The following SPTBN2 variants were observed in gnomAD, a reference collection of about 807,000 sequenced individuals.
SPTBN2 encodes spectrin beta, non-erythrocytic 2, also known as spectrin beta chain, non-erythrocytic 2.
In SPTBN2, 107 loss-of-function variants were observed where a neutral mutation model predicts 284.2. The observed-to-expected ratio is 0.38, with a 90% CI of 0.32 to 0.44. SPTBN2 has a LOEUF of 0.44. Ranked by LOEUF, SPTBN2 falls within the 20% of genes least tolerant of loss-of-function variation. SPTBN2 has a pLI of 1.00. For synonymous variants in SPTBN2, 1,289 were observed against 1,354.8 expected, an observed-to-expected ratio of 0.95 and a Z score of 1.07; for missense variants, 2,569 against 3,287.1, an observed-to-expected ratio of 0.78 and a Z score of 5.34.
intron 31 of SPTBN2, 82 bp downstream of exon 31, chr11:66,688,571 A>C: frequency 6.4e-7 from 1 of 1,568,716 alleles, no homozygotes; most frequent in Non-Finnish European, 8.7e-7. Flanking sequence ...GGGAAGAGAG[A>C]AGACATGTCT....
rs751425400 is a variant in SPTBN2 at position 66,688,611 on chromosome 11, G to A, written c.6231+42C>T. On this transcript the variant is annotated intron_variant, in intron 31 of 37. Coordinates refer to ENST00000533211, the MANE Select transcript of SPTBN2 (RefSeq NM_006946.4). ...CAAGCAGAAGCCAGCACAGGTCAGG[G>A]GAGCAGGTTGGAGTGGGCATCCGGG... 6 of 1,611,082 alleles carry A rather than the reference G, an allele frequency of 3.7e-6. No homozygotes were observed. In the African/African-American group the frequency reaches 6.7e-5, roughly 18 times the overall value.
At chr11:66,736,815 T>A (rs1412456900) in intron 1 of SPTBN2, among the ~76,000 whole-genome samples, 1 of 152,198 alleles carries the variant, frequency 6.6e-6, no homozygotes, top group African/African-American at 2.4e-5. Context: ...ACATTTGAGG[T>A]CAGTTTTCTG....
Position 66,721,343 on chromosome 11 carries a change from G to T in SPTBN2, c.-23+7C>A. On this transcript the variant is annotated splice_region_variant and intron_variant, in intron 2 of 37. Transcript: ENST00000533211. Reference sequence around the variant, plus strand: ...CACCACCGGGGCCTTCTGTCTTCTTGCCCTACCTGTGCTCCGCTCTCCTTG... The same window carrying T: ...CACCACCGGGGCCTTCTGTCTTCTTTCCCTACCTGTGCTCCGCTCTCCTTG... 1 of 1,469,210 alleles carries T rather than the reference G, an allele frequency of 6.8e-7. No homozygotes were observed. Among genetic ancestry groups the T allele is most frequent in the Non-Finnish European group, 9.5e-7 (1 of 1,054,072 alleles). 91.0% of individuals were successfully genotyped at this position (1,469,210 alleles called of 1,614,324 possible).
chr11:66,683,649 T>C lies in SPTBN2; in HGVS notation c.*2222A>G, dbSNP rs543507548. Among the ~76,000 whole-genome samples the C allele has an allele frequency of 1.3e-4, 20 of 152,388 alleles. No homozygotes were observed. The highest frequency in any genetic ancestry group is 3.8e-4 in the African/African-American group (16 of 41,602). On this transcript the variant is annotated 3_prime_UTR_variant, in exon 38 of 38. Coordinates refer to ENST00000533211, the MANE Select transcript of SPTBN2 (RefSeq NM_006946.4). ...CGGGGTCTTCAGTCTCACCTCTCCGTTGACAATGCCTGCCCCTACTGCAGG... is the reference window on the plus strand; with the variant it reads ...CGGGGTCTTCAGTCTCACCTCTCCGCTGACAATGCCTGCCCCTACTGCAGG...
Position 66,687,319 on chromosome 11 carries a change from A to C in SPTBN2, c.6722+108T>G. 1 of 1,555,058 alleles carries C rather than the reference A, an allele frequency of 6.4e-7. No individual in the cohort carries two copies. ...CCCCTGAGGCCCCGCTCTGGTCCCA[A>C]GTCCTACCCTTTGCCCAGAAGATGT... is the stretch of plus-strand genomic sequence containing the variant. On this transcript the variant is annotated intron_variant, in intron 35 of 37. Coordinates refer to ENST00000533211, the MANE Select transcript of SPTBN2 (RefSeq NM_006946.4). The surrounding 1 kb of genome is among the most constrained non-coding windows in gnomAD (Gnocchi z 5.2).
At chr11:66,717,973 G>A (rs771139537) in intron 3 of SPTBN2, among the ~76,000 whole-genome samples, 4 of 152,070 alleles carry the variant, frequency 2.6e-5, no homozygotes, top group Admixed American at 6.5e-5. Context: ...CACTGCCCCC[G>A]TGTACACATT....
rs754538137 is a variant in SPTBN2 at position 66,688,752 on chromosome 11, C to G, written c.6132G>C (p.Thr2044=). 1 of 1,613,558 alleles carries G rather than the reference C, an allele frequency of 6.2e-7. No homozygotes were observed. The highest frequency in any genetic ancestry group is 8.5e-7 in the Non-Finnish European group (1 of 1,180,040). ...PLVRSAELGC[T]VDEVESLIKR... is the part of the protein sequence containing the mutation. ...TGATGAGGCTCTCAACTTCGTCGACCGTGCAACCCAGCTCAGCGCTGCGCA... is the reference window on the plus strand; with the variant it reads ...TGATGAGGCTCTCAACTTCGTCGACGGTGCAACCCAGCTCAGCGCTGCGCA... Residue 2044 remains threonine (T), a synonymous_variant, in exon 31 of 38, where the codon ACG becomes ACC. Transcript: ENST00000533211.
chr11:66,704,609 G>A lies in SPTBN2; in HGVS notation c.2667C>T (p.Val889=), dbSNP rs769838871. The A allele has an allele frequency of 1.8e-5, 29 of 1,573,602 alleles. No individual in the cohort carries two copies. Among genetic ancestry groups the A allele is most frequent in the African/African-American group, 2.7e-5 (2 of 72,796 alleles). ...CCTGAGGGGCCTACCTCTGCTGCAC[G>A]ACCTCCAGGTCCTCCAGGCGTTCAG... ...ALPERLEDLE[V]VQQRFETLEP... is the part of the protein sequence containing the mutation. The change falls in exon 15 of 38, where the codon GTC becomes GTT. Residue 889 remains valine (V), a synonymous_variant. Coordinates refer to ENST00000533211, the MANE Select transcript of SPTBN2 (RefSeq NM_006946.4).
upstream of SPTBN2, among the ~76,000 whole-genome samples, chr11:66,731,927 A>G (rs1942816650): frequency 6.6e-6 from 1 of 152,182 alleles, no homozygotes; most frequent in Non-Finnish European, 1.5e-5. Context: ...AAAATAACCC[A>G]TCAGATATAT....
rs1940559681 is a variant in SPTBN2 at position 66,691,671 on chromosome 11, G to A, written c.5191-13C>T. On this transcript the variant is annotated splice_polypyrimidine_tract_variant and intron_variant, in intron 26 of 37. Coordinates refer to ENST00000533211, the MANE Select transcript of SPTBN2 (RefSeq NM_006946.4). This position sits in a 1 kb window ranked among gnomAD's most constrained non-coding sequence, Gnocchi z 8.0. ...TGTCTCGGAGCATCTGGTAGAGGAA[G>A]CAGATGGACAGACCATGCCGTGATG... 1.2e-6 allele frequency: 2 copies of A among 1,613,278 alleles called. No individual in the cohort carries two copies. Among genetic ancestry groups the A allele is most frequent in the Non-Finnish European group, 1.7e-6 (2 of 1,180,048 alleles).
intron 1 of SPTBN2, among the ~76,000 whole-genome samples, chr11:66,740,516 T>G (rs1299430255): frequency 3.9e-5 from 6 of 152,196 alleles, no homozygotes; most frequent in Non-Finnish European, 7.4e-5. Flanking sequence ...CCCCAGATTC[T>G]GTGCTCCAGG....
In SPTBN2 at chr11:66,701,119, C is replaced by A. The variant is rs1379567333; in HGVS notation, c.2980G>T (p.Val994Leu). Residue 994 changes from valine (V) to leucine (L), a missense_variant, in exon 17 of 38, where the codon GTG (valine) becomes TTG (leucine). This residue lies in a region of SPTBN2 where 1,012 missense variants were observed against 1,248.9 expected (regional missense o/e 0.81). Coordinates refer to ENST00000533211, the MANE Select transcript of SPTBN2 (RefSeq NM_006946.4). ...GCCAGCTTGCGCTGCAGGGCCAGCA[C>A]CCCAGCCAGATCGTTGCCTAGGCCC... ...TQGLGNDLAG[V>L]LALQRKLAGT... The A allele has an allele frequency of 4.3e-6, 7 of 1,613,104 alleles. No individual in the cohort carries two copies. The highest frequency in any genetic ancestry group is 1.1e-5 in the South Asian group (1 of 91,086).
intron 1 of SPTBN2, among the ~76,000 whole-genome samples, chr11:66,740,626 A>G (rs1471387612): frequency 2.0e-5 from 3 of 152,150 alleles, no homozygotes; most frequent in African/African-American, 7.2e-5. Flanking sequence ...GACCTGCTCC[A>G]TTTCAGGAAA....
chr11:66,682,745 A>G lies in SPTBN2; in HGVS notation c.*3126T>C, dbSNP rs985349843. ...TGTAGGTGATGTTAAGAATGCAAATATATTTTTCTCTACATAATCCTATTT... is the reference window on the plus strand; with the variant it reads ...TGTAGGTGATGTTAAGAATGCAAATGTATTTTTCTCTACATAATCCTATTT... On this transcript the variant is annotated 3_prime_UTR_variant, in exon 38 of 38. Transcript: ENST00000533211. Among the ~76,000 whole-genome samples the G allele has an allele frequency of 4.0e-5, 6 of 151,830 alleles. No homozygotes were observed. Among genetic ancestry groups the G allele is most frequent in the Non-Finnish European group, 7.4e-5 (5 of 67,988 alleles).
intron 31 of SPTBN2, 106 bp downstream of exon 31, chr11:66,688,542 TGGGGG>T: frequency 6.7e-7 from 1 of 1,488,152 alleles, no homozygotes; most frequent in Non-Finnish European, 9.1e-7. Context: ...AGCTCACATC[TGGGGG>T]CCACTGGTGC....
In SPTBN2 at chr11:66,693,492, C is replaced by G; in HGVS notation, c.4594-46G>C. The G allele has an allele frequency of 6.4e-7, 1 of 1,571,524 alleles. No homozygotes were observed. The highest frequency in any genetic ancestry group is 1.3e-5 in the African/African-American group (1 of 74,230). Reference sequence around the variant, plus strand: ...GAAAATGCTGAAAGTCCTGCCCCAGCCCCACGTGCTCCCGGAGACCACCCT... The same window carrying G: ...GAAAATGCTGAAAGTCCTGCCCCAGGCCCACGTGCTCCCGGAGACCACCCT... On this transcript the variant is annotated intron_variant, in intron 23 of 37. Transcript: ENST00000533211. The surrounding 1 kb of genome is among the most constrained non-coding windows in gnomAD (Gnocchi z 5.7).
At position 66,704,822 on chromosome 11, in the gene SPTBN2, G is replaced by A; in HGVS notation, c.2454C>T (p.Ser818=). Residue 818 remains serine (S), a synonymous_variant, in exon 15 of 38, where the codon AGC becomes AGT. Coordinates refer to ENST00000533211, the MANE Select transcript of SPTBN2 (RefSeq NM_006946.4). The part of the protein sequence containing the change: ...EQAAALPPTL[S]RTPEVQSRVP... The stretch of plus-strand genomic sequence containing the variant: ...CCCGGCTCTGCACCTCGGGCGTGCG[G>A]CTCAGTGTGGGGGGCAGGGCTGCTG... 1.2e-6 allele frequency: 2 copies of A among 1,606,758 alleles called. No individual in the cohort carries two copies.
Position 66,708,541 on chromosome 11 carries a change from G to A in SPTBN2, c.1192-242C>T, listed in dbSNP as rs1941689713. ...GGAAACCATCTGATTCCTTTGTGTTGGCAGGACTGTGTGCGAACCTTATTT... is the reference window on the plus strand; with the variant it reads ...GGAAACCATCTGATTCCTTTGTGTTAGCAGGACTGTGTGCGAACCTTATTT... On this transcript the variant is annotated intron_variant, in intron 11 of 37. Coordinates refer to ENST00000533211, the MANE Select transcript of SPTBN2 (RefSeq NM_006946.4). This position sits in a 1 kb window ranked among gnomAD's most constrained non-coding sequence, Gnocchi z 4.4. Among the ~76,000 whole-genome samples the A allele has an allele frequency of 6.6e-6, 1 of 152,222 alleles. No homozygotes were observed. Among genetic ancestry groups the A allele is most frequent in the Admixed American group, 6.5e-5 (1 of 15,288 alleles).
In SPTBN2 at chr11:66,707,395, C is replaced by G; in HGVS notation, c.1653+121G>C. On this transcript the variant is annotated intron_variant, in intron 13 of 37. Transcript: ENST00000533211. This position sits in a 1 kb window ranked among gnomAD's most constrained non-coding sequence, Gnocchi z 4.9. ...TTACTTTGTTCCCTGCAACTGGGGA[C>G]AGGGCCCTGTGCTGGTTCACACTCC... The G allele has an allele frequency of 1.9e-6, 2 of 1,070,844 alleles. No homozygotes were observed. Among genetic ancestry groups the G allele is most frequent in the South Asian group, 3.0e-5 (2 of 66,028 alleles). 66.3% of individuals were successfully genotyped at this position (1,070,844 alleles called of 1,614,324 possible).
Sources: allele counts gnomAD v4.1 joint callset (sites outside exome capture counted in the v4.1 genomes callset), GRCh38; gene constraint gnomAD v4.1.1; regional missense constraint gnomAD v4.1.1; non-coding constraint Gnocchi (gnomAD v3.1); transcripts MANE v1.5; gene names NCBI Gene and HGNC (gene_info 2026-07-23, HGNC 2026-07-21).